The following SYT16 variants were observed in gnomAD, a reference collection of about 807,000 sequenced individuals.
The protein encoded by SYT16 is synaptotagmin 16.
In SYT16, 42 loss-of-function variants were observed where a neutral mutation model predicts 61.4. That is an observed-to-expected ratio of 0.68 (90% CI 0.53 to 0.89). SYT16 has a LOEUF of 0.89. Ranked by LOEUF, SYT16 falls within the 40% of genes least tolerant of loss-of-function variation. SYT16 has a pLI of 0.00. For synonymous variants in SYT16, 314 were observed against 302.3 expected (o/e 1.04, Z -0.40); for missense variants, 804 against 807.3 (o/e 1.00, Z 0.05).
chr14:61,938,258 C>T (rs1320091127), intron 1 of SYT16, among the ~76,000 whole-genome samples: 1 of 152,064 alleles, frequency 6.6e-6, no homozygotes, highest in Non-Finnish European at 1.5e-5. Flanking sequence ...ATACTGTACC[C>T]AAAACCCTGT....
At position 62,110,049 on chromosome 14, in the gene SYT16, T is replaced by A. The variant is rs1454866925; in HGVS notation, c.*9342T>A. 1 of 152,208 alleles carries A rather than the reference T, an allele frequency of 6.6e-6. No homozygotes were observed. The highest frequency in any genetic ancestry group is 2.1e-4 in the South Asian group (1 of 4,828). The allele number at this position is 152,208 out of a possible 1,614,324, so 9.4% of individuals were successfully genotyped here. A position where few individuals can be genotyped will look rare whatever the true frequency, so the allele number is the denominator to read the frequency against. On this transcript the variant is annotated 3_prime_UTR_variant, in exon 8 of 8. Transcript: ENST00000683842. ...GAAGGGGGAGGCCTGGCCAATGATTTGTATCTGAGAAACATTTTGAGATTA... is the reference window on the plus strand; with the variant it reads ...GAAGGGGGAGGCCTGGCCAATGATTAGTATCTGAGAAACATTTTGAGATTA...
intron 1 of SYT16, among the ~76,000 whole-genome samples, chr14:61,866,977 A>T (rs1040550714): frequency 1.3e-5 from 2 of 151,650 alleles, no homozygotes; most frequent in South Asian, 4.2e-4. Context: ...TCATATGCAC[A>T]TGTAATTATT....
At chr14:62,084,934 T>C (rs1011837730) in intron 7 of SYT16, among the ~76,000 whole-genome samples, 3 of 152,206 alleles carry the variant, frequency 2.0e-5, no homozygotes, top group Admixed American at 6.5e-5. Context: ...GCCTATCACA[T>C]AGTGAATGCA....
chr14:62,026,461 C>T (rs1317207448), intron 3 of SYT16, among the ~76,000 whole-genome samples: 1 of 152,142 alleles, frequency 6.6e-6, no homozygotes, highest in Non-Finnish European at 1.5e-5. Flanking sequence ...GGCAAGAGAG[C>T]AAATTCACTG....
intron 1 of SYT16, among the ~76,000 whole-genome samples, chr14:61,813,044 C>G (rs890079311): frequency 2.6e-5 from 4 of 152,366 alleles, no homozygotes; most frequent in Admixed American, 2.6e-4. Flanking sequence ...GCGGAGGGAC[C>G]CTCGATGCCG....
At chr14:61,925,238 T>C (rs2049489336) in intron 1 of SYT16, among the ~76,000 whole-genome samples, 1 of 152,160 alleles carries the variant, frequency 6.6e-6, no homozygotes, top group African/African-American at 2.4e-5. Context: ...CTTCCCTCTT[T>C]CCCTCCTTTC....
rs577475286 is a variant in SYT16 at position 61,920,622 on chromosome 14, T to A, written c.-324-49510T>A. ...GGGTGTCCCGTCGGCACTGTAGACA[T>A]TTGAGACAATGCCATTTCAACGCAG... On this transcript the variant is annotated intron_variant, in intron 1 of 7. Transcript: ENST00000683842. Among the ~76,000 whole-genome samples the A allele has an allele frequency of 2.0e-5, 3 of 152,308 alleles. No homozygotes were observed. The East Asian group carries it at 5.8e-4, about 29-fold the overall frequency.
In SYT16 at chr14:62,105,653, C is replaced by G. The variant is rs1344776941; in HGVS notation, c.*4946C>G. 2 of 152,134 alleles carry G rather than the reference C, an allele frequency of 1.3e-5. No homozygotes were observed. The highest frequency in any genetic ancestry group is 4.8e-5 in the African/African-American group (2 of 41,440). 9.4% of individuals were successfully genotyped at this position (152,134 alleles called of 1,614,324 possible). A position where few individuals can be genotyped will look rare whatever the true frequency, so the allele number is the denominator to read the frequency against. ...TCCACTTGTTCTCAAGTGATTCAAA[C>G]CTTGAGTAAAAAGGAGAGTTTCTGG... On this transcript the variant is annotated 3_prime_UTR_variant, in exon 8 of 8. Coordinates refer to ENST00000683842, the MANE Select transcript of SYT16 (RefSeq NM_001367656.1).
upstream of SYT16, chr14:61,812,628 G>GGGCGCGGGGCGGCGCGGGGC (rs1223022265): frequency 2.7e-5 from 4 of 147,042 alleles, no homozygotes; most frequent in African/African-American, 4.9e-5. Context: ...GGCGGCTGCT[G>GGGCGCGGGGCGGCGCGGGGC]GGCGCGGGGC....
chr14:62,040,800 T>C (rs924476244), intron 3 of SYT16, among the ~76,000 whole-genome samples: 4 of 152,198 alleles, frequency 2.6e-5, no homozygotes, highest in African/African-American at 9.7e-5. Flanking sequence ...AGGTCCCATA[T>C]ACTCTTACCT....
intron 7 of SYT16, among the ~76,000 whole-genome samples, chr14:62,098,195 C>T (rs574888720): frequency 6.6e-6 from 1 of 152,302 alleles, no homozygotes; most frequent in African/African-American, 2.4e-5. Context: ...TTACAGAGAT[C>T]TGCGTTTACG....
intron 3 of SYT16, among the ~76,000 whole-genome samples, chr14:62,027,298 T>C (rs1472425907): frequency 6.6e-6 from 1 of 152,138 alleles, no homozygotes; most frequent in Non-Finnish European, 1.5e-5. Flanking sequence ...CCAAAATGAA[T>C]GTAGATCCAA....
intron 1 of SYT16, among the ~76,000 whole-genome samples, chr14:61,912,881 T>C (rs1594898111): frequency 6.6e-6 from 1 of 152,206 alleles, no homozygotes; most frequent in East Asian, 1.9e-4. Context: ...GCAAAAGAGC[T>C]CCAGGAATAG....
chr14:61,985,145 T>C (rs1267700032), intron 2 of SYT16, among the ~76,000 whole-genome samples: 1 of 152,162 alleles, frequency 6.6e-6, no homozygotes, highest in Non-Finnish European at 1.5e-5. Context: ...TCAAGGACCC[T>C]AGGAGACCTC....
At chr14:61,982,121 G>A (rs1009980944) in intron 2 of SYT16, among the ~76,000 whole-genome samples, 6 of 152,134 alleles carry the variant, frequency 3.9e-5, no homozygotes, top group Non-Finnish European at 8.8e-5. Flanking sequence ...AAGCTCTGGA[G>A]CCATTCTATG....
In SYT16 at chr14:62,069,751, A is replaced by C; in HGVS notation, c.672A>C (p.Lys224Asn). The C allele has an allele frequency of 6.2e-7, 1 of 1,614,028 alleles. No individual in the cohort carries two copies. Among genetic ancestry groups the C allele is most frequent in the East Asian group, 2.2e-5 (1 of 44,886 alleles). Reference sequence around the variant, plus strand: ...GAAAGCAGACAGGATTGGAGCAGAAACCAAAATTCAGCCGTTCGTTGTTGA... The same window carrying C: ...GAAAGCAGACAGGATTGGAGCAGAACCCAAAATTCAGCCGTTCGTTGTTGA... ...EKGKQTGLEQ[K>N]PKFSRSLLTH... The change falls in exon 4 of 8, where the codon AAA (lysine) becomes AAC (asparagine). Residue 224 changes from lysine to asparagine, a missense_variant. Transcript: ENST00000683842.
chr14:61,866,688 A>G (rs1264075757), intron 1 of SYT16, among the ~76,000 whole-genome samples: 1 of 152,124 alleles, frequency 6.6e-6, no homozygotes, highest in African/African-American at 2.4e-5. Flanking sequence ...TATTTTGCAA[A>G]TACTCTCCTG....
intron 3 of SYT16, among the ~76,000 whole-genome samples, chr14:62,051,255 T>G (rs1385606417): frequency 6.6e-6 from 1 of 152,240 alleles, no homozygotes; most frequent in South Asian, 2.1e-4. Flanking sequence ...TGTGTCGGCT[T>G]AGGACCCTCC....
intron 1 of SYT16, among the ~76,000 whole-genome samples, chr14:61,947,267 CGTGTGTGTGTGTGTGTGTGTGTGTGT>C (rs59798244): frequency 2.4e-5 from 3 of 125,844 alleles, no homozygotes; most frequent in Admixed American, 8.2e-5. Context: ...TTTAGTCCTT[CGTGTGTGTGTGTGTGTGTGTGTGTGT>C]GTGTGTGTGT....
Sources: gnomAD v4.1 joint callset for allele counts (sites outside exome capture counted in the v4.1 genomes callset) on GRCh38, gnomAD v4.1.1 for gene constraint, MANE v1.5 for transcripts, NCBI Gene and HGNC (gene_info 2026-07-23, HGNC 2026-07-21) for gene names.